ADAMTS2: variants seen among roughly 807,000 people sequenced by gnomAD.
ADAMTS2 encodes A disintegrin and metalloproteinase with thrombospondin motifs 2.
ADAMTS2 carries 50 observed loss-of-function variants against 123.0 expected under a neutral mutation model. The ratio of observed to expected loss-of-function variants is 0.41; its 90% CI spans 0.32 to 0.51. ADAMTS2 has a LOEUF of 0.51. Ranked by LOEUF, ADAMTS2 falls within the 20% of genes least tolerant of loss-of-function variation. The probability of loss-of-function intolerance (pLI) is 0.35; values close to 1 mark genes in which losing one functional copy is unlikely to be tolerated. For missense variants in ADAMTS2, 1,494 were observed against 1,705.2 expected (o/e 0.88, Z 2.18); for synonymous variants, 678 against 695.4 (o/e 0.98, Z 0.39).
intron 3 of ADAMTS2, among the ~76,000 whole-genome samples, chr5:179,244,567 T>C (rs1429797087): frequency 6.6e-6 from 1 of 152,130 alleles, no homozygotes. Context: ...CCCACACACA[T>C]ACAGTACCAG....
chr5:179,173,069 G>A (rs557962438), intron 5 of ADAMTS2, among the ~76,000 whole-genome samples: 3 of 151,098 alleles, frequency 2.0e-5, no homozygotes, highest in South Asian at 2.1e-4. Flanking sequence ...AAAATTAGTC[G>A]AGTGTGGTGG....
Position 179,180,734 on chromosome 5 carries a change from A to C in ADAMTS2, c.975+338T>G, listed in dbSNP as rs181560831. On this transcript the variant is annotated intron_variant, in intron 5 of 21. Transcript: ENST00000251582. The surrounding 1 kb of genome is among the most constrained non-coding windows in gnomAD (Gnocchi z 4.6). ...CCCTGTCCCCATCGGTCCTTCCTGC[A>C]GAAACAACATGGACTCAGGCTGCTG... is the stretch of plus-strand genomic sequence containing the variant. Among the ~76,000 whole-genome samples the C allele has an allele frequency of 1.3e-5, 2 of 152,164 alleles. No homozygotes were observed.
At chr5:179,315,287 A>AGGCCACAGTTGGCTTCTGGAAAGCACTGC in intron 2 of ADAMTS2, among the ~76,000 whole-genome samples, 1 of 152,232 alleles carries the variant, frequency 6.6e-6, no homozygotes. Context: ...GAAAGCACTG[A>AGGCCACAGTTGGCTTCTGGAAAGCACTGC]GGCCACAGTT....
In ADAMTS2 at chr5:179,228,389, C is replaced by A. The variant is rs544730433; in HGVS notation, c.689-20674G>T. ...TCACTCCACCAGAACCCAGTCTGGGCACCAGCCTGTTTTCTTGTCCTCTCC... is the reference window on the plus strand; with the variant it reads ...TCACTCCACCAGAACCCAGTCTGGGAACCAGCCTGTTTTCTTGTCCTCTCC... On this transcript the variant is annotated intron_variant, in intron 3 of 21. Coordinates refer to ENST00000251582, the MANE Select transcript of ADAMTS2 (RefSeq NM_014244.5). The surrounding 1 kb of genome is among the most constrained non-coding windows in gnomAD (Gnocchi z 5.2). Among the ~76,000 whole-genome samples, 6 of 152,310 alleles carry A rather than the reference C, an allele frequency of 3.9e-5. No homozygotes were observed. The highest frequency in any genetic ancestry group is 1.4e-4 in the African/African-American group (6 of 41,578).
At chr5:179,244,715 T>C (rs1020471348) in intron 3 of ADAMTS2, among the ~76,000 whole-genome samples, 1 of 152,152 alleles carries the variant, frequency 6.6e-6, no homozygotes, top group African/African-American at 2.4e-5. Flanking sequence ...TATATAAATG[T>C]AATATATTTG....
chr5:179,162,796 C>T lies in ADAMTS2; in HGVS notation c.976-3917G>A, dbSNP rs1266693531. ...CATTTATGCCTGAAGAAGTTCCTCT[C>T]CTTGTGAAAGCCAATTCTGAGTTGT... is the stretch of plus-strand genomic sequence containing the variant. On this transcript the variant is annotated intron_variant, in intron 5 of 21. Coordinates refer to ENST00000251582, the MANE Select transcript of ADAMTS2 (RefSeq NM_014244.5). The surrounding 1 kb of genome is among the most constrained non-coding windows in gnomAD (Gnocchi z 5.1). Among the ~76,000 whole-genome samples, 1 of 152,246 alleles carries T rather than the reference C, an allele frequency of 6.6e-6. No homozygotes were observed. The highest frequency in any genetic ancestry group is 1.9e-4 in the East Asian group (1 of 5,194).
intron 8 of ADAMTS2, 139 bp downstream of exon 8, chr5:179,153,910 C>A: frequency 8.0e-7 from 1 of 1,257,858 alleles, no homozygotes; most frequent in Non-Finnish European, 1.1e-6. Context: ...CACAGGTGTG[C>A]CCTCTCTCCT....
intron 5 of ADAMTS2, among the ~76,000 whole-genome samples, chr5:179,168,868 C>T (rs1011079796): frequency 2.0e-5 from 3 of 152,190 alleles, no homozygotes; most frequent in Non-Finnish European, 4.4e-5. Flanking sequence ...CAGAGAACCA[C>T]GAGAGCTGGG....
Position 179,180,725 on chromosome 5 carries a change from C to T in ADAMTS2, c.975+347G>A, listed in dbSNP as rs1318515543. On this transcript the variant is annotated intron_variant, in intron 5 of 21. Transcript: ENST00000251582. The surrounding 1 kb of genome is among the most constrained non-coding windows in gnomAD (Gnocchi z 4.6). ...GCCAGCTCACCCTGTCCCCATCGGT[C>T]CTTCCTGCAGAAACAACATGGACTC... is the stretch of plus-strand genomic sequence containing the variant. 6.6e-6 allele frequency among the ~76,000 whole-genome samples: 1 copy of T among 152,178 alleles called. No individual in the cohort carries two copies. The highest frequency in any genetic ancestry group is 2.4e-5 in the African/African-American group (1 of 41,446).
Position 179,128,639 on chromosome 5 carries a change from C to T in ADAMTS2, c.2458-521G>A, listed in dbSNP as rs144041125. Among the ~76,000 whole-genome samples, 10,949 of 152,136 alleles carry T rather than the reference C, an allele frequency of 0.072. 511 individuals are homozygous for T. The highest frequency in any genetic ancestry group is 0.098 in the Non-Finnish European group (6,698 of 68,002). On this transcript the variant is annotated intron_variant, in intron 16 of 21. Transcript: ENST00000251582. This position sits in a 1 kb window ranked among gnomAD's most constrained non-coding sequence, Gnocchi z 4.9. ...AACTCCTGACCTCAAGTGATCCACC[C>T]GCCTCGGCCTCCCAAAGTACTGGGA...
intron 4 of ADAMTS2, among the ~76,000 whole-genome samples, chr5:179,184,095 A>G (rs1432703352): frequency 4.6e-5 from 7 of 152,184 alleles, no homozygotes; most frequent in Non-Finnish European, 8.8e-5. Context: ...ATACCAGCCC[A>G]AGCGGAATGA....
At chr5:179,121,963 C>T (rs970968560) in intron 20 of ADAMTS2, 3 of 403,356 alleles carry the variant, frequency 7.4e-6, no homozygotes, top group East Asian at 3.8e-5. Flanking sequence ...TCAGCTATCC[C>T]GTCCCTCTCG....
intron 2 of ADAMTS2, among the ~76,000 whole-genome samples, chr5:179,292,504 C>T (rs1402080570): frequency 2.0e-5 from 3 of 152,062 alleles, no homozygotes; most frequent in African/African-American, 4.8e-5. Flanking sequence ...TCCCCTAAAT[C>T]TTCCTTGATA....
chr5:179,253,570 C>T (rs142243422), intron 3 of ADAMTS2, among the ~76,000 whole-genome samples: 1 of 151,668 alleles, frequency 6.6e-6, no homozygotes, highest in African/African-American at 2.4e-5. Flanking sequence ...CACTGGAACC[C>T]GAGAGGCAGA....
rs773421529 is a variant in ADAMTS2, at chr5:179,129,962, C to T, written c.2427G>A (p.Met809Ile). ...DEDGRETLQT[M>I]GPLHGTITVL... ...CGGTGATGGTGCCGTGGAGGGGGCC[C>T]ATGGTCTGCAGCGTCTCCCGGCCGT... Residue 809 changes from methionine to isoleucine, a missense_variant, in exon 16 of 22, where the codon ATG becomes ATA. By Grantham distance (10) the Met-to-Ile change is conservative. This residue lies in a region of ADAMTS2 where 953 missense variants were observed against 1,124.7 expected (regional missense o/e 0.85). Coordinates refer to ENST00000251582, the MANE Select transcript of ADAMTS2 (RefSeq NM_014244.5). The surrounding 1 kb of genome is among the most constrained non-coding windows in gnomAD (Gnocchi z 4.1). 34 of 1,613,924 alleles carry T rather than the reference C, an allele frequency of 2.1e-5. No homozygotes were observed. The highest frequency in any genetic ancestry group is 2.9e-5 in the Non-Finnish European group (34 of 1,180,040).
rs7714555 is a variant in ADAMTS2, at chr5:179,337,974, C to A, written c.534+5793G>T. ...CCAGCTGACTCTGCAGGAGGGCCTG[C>A]ATTCACTCAGGCATGACTCGCTAAG... is the stretch of plus-strand genomic sequence containing the variant. On this transcript the variant is annotated intron_variant, in intron 2 of 21. Coordinates refer to ENST00000251582, the MANE Select transcript of ADAMTS2 (RefSeq NM_014244.5). Among the ~76,000 whole-genome samples the A allele has an allele frequency of 1.3e-4, 20 of 151,598 alleles. No individual in the cohort carries two copies. The East Asian group carries it at 1.6e-3, about 12-fold the overall frequency.
At position 179,207,097 on chromosome 5, in the gene ADAMTS2, C is replaced by T. The variant is rs530256857; in HGVS notation, c.891+416G>A. 6.4e-4 allele frequency among the ~76,000 whole-genome samples: 98 copies of T among 152,276 alleles called. 2 individuals are homozygous for T. The South Asian group carries it at 0.015, about 23-fold the overall frequency. ...GGGCTATCCAGCTGGGGCTGAATAACGTCACTTTATGTCTTACTATTATAT... is the reference window on the plus strand; with the variant it reads ...GGGCTATCCAGCTGGGGCTGAATAATGTCACTTTATGTCTTACTATTATAT... On this transcript the variant is annotated intron_variant, in intron 4 of 21. Transcript: ENST00000251582.
chr5:179,329,113 G>A (rs968993044), intron 2 of ADAMTS2, among the ~76,000 whole-genome samples: 33 of 152,114 alleles, frequency 2.2e-4, no homozygotes, highest in African/African-American at 7.5e-4. Flanking sequence ...GGATCACGAG[G>A]TCAGGAGATG....
intron 3 of ADAMTS2, among the ~76,000 whole-genome samples, chr5:179,251,830 C>T (rs1765933082): frequency 6.6e-6 from 1 of 151,880 alleles, no homozygotes; most frequent in East Asian, 1.9e-4. Flanking sequence ...CGTGCACAGG[C>T]CAAATTCAGA....
Sources: gnomAD v4.1 joint callset for allele counts (sites outside exome capture counted in the v4.1 genomes callset) on GRCh38, gnomAD v4.1.1 for gene constraint, gnomAD v4.1.1 regional missense constraint, Gnocchi (gnomAD v3.1) non-coding constraint, MANE v1.5 for transcripts, NCBI Gene and HGNC (gene_info 2026-07-23, HGNC 2026-07-21) for gene names.